MAP7: variants seen among roughly 807,000 people sequenced by gnomAD.
MAP7 encodes ensconsin.
Under a neutral mutation model 94.8 loss-of-function variants are expected in MAP7, and 52 were observed. The ratio of observed to expected loss-of-function variants is 0.55; its 90% CI spans 0.44 to 0.69. The LOEUF (loss-of-function observed/expected upper bound fraction) is 0.69, where lower values mean the gene tolerates loss of function less well. Ranked by LOEUF, MAP7 falls within the 30% of genes least tolerant of loss-of-function variation. MAP7 has a pLI of 0.00. For synonymous variants in MAP7, 350 were observed against 357.0 expected, an observed-to-expected ratio of 0.98 and a Z score of 0.22; for missense variants, 940 against 964.6, an observed-to-expected ratio of 0.97 and a Z score of 0.34.
chr6:136,526,249 C>A (rs1423020526), intron 1 of MAP7: 4 of 1,152,034 alleles, frequency 3.5e-6, no homozygotes, highest in East Asian at 5.6e-5. Flanking sequence ...GTGATTGCTC[C>A]GGCTCATGCA....
chr6:136,520,501 G>C (rs575070349), intron 1 of MAP7, among the ~76,000 whole-genome samples: 10 of 152,306 alleles, frequency 6.6e-5, no homozygotes, highest in Admixed American at 5.2e-4. Context: ...GGTATAAAGA[G>C]GAGTGAGTCC....
chr6:136,494,671 C>T (rs1817669721), intron 1 of MAP7, among the ~76,000 whole-genome samples: 1 of 152,058 alleles, frequency 6.6e-6, no homozygotes, highest in South Asian at 2.1e-4. Context: ...ACAGGGATCC[C>T]TCATTATTAA....
intron 1 of MAP7, among the ~76,000 whole-genome samples, chr6:136,495,638 A>G (rs965499415): frequency 2.6e-5 from 4 of 152,146 alleles, no homozygotes; most frequent in Non-Finnish European, 4.4e-5. Context: ...AACCTGTATA[A>G]GTTTTTTTAA....
At chr6:136,388,624 T>C (rs1779826007) in intron 4 of MAP7, 114 bp from the exon 5 acceptor site, 1 of 800,378 alleles carries the variant, frequency 1.2e-6, no homozygotes, top group African/African-American at 1.7e-5. Context: ...CTACTATTCT[T>C]GATCTCTAGC....
At chr6:136,490,155 T>C (rs966731737) in intron 1 of MAP7, among the ~76,000 whole-genome samples, 5 of 152,154 alleles carry the variant, frequency 3.3e-5, no homozygotes, top group African/African-American at 9.7e-5. Flanking sequence ...TCTTTCAAAA[T>C]AGAAGTGGCA....
intron 2 of MAP7, 33 bp downstream of exon 2, chr6:136,421,668 T>C: frequency 7.7e-6 from 12 of 1,566,428 alleles, no homozygotes; most frequent in Non-Finnish European, 1.1e-5. Flanking sequence ...AAGATAACCT[T>C]TATTTTCCCA....
At chr6:136,483,129 C>CA (rs57320038) in intron 1 of MAP7, among the ~76,000 whole-genome samples, 1,838 of 82,896 alleles carry the variant, frequency 0.022, 19 homozygotes, top group African/African-American at 0.034. Context: ...AAGTATCTTT[C>CA]AAAAAAAAAA....
chr6:136,379,170 A>G (rs1777045017), intron 6 of MAP7, among the ~76,000 whole-genome samples: 1 of 152,216 alleles, frequency 6.6e-6, no homozygotes, highest in Non-Finnish European at 1.5e-5. Context: ...TGGCATTTAA[A>G]TGCTAGGAAA....
chr6:136,436,960 T>A (rs1302065887), intron 1 of MAP7, among the ~76,000 whole-genome samples: 1 of 152,194 alleles, frequency 6.6e-6, no homozygotes, highest in Non-Finnish European at 1.5e-5. Flanking sequence ...ATGATACAAA[T>A]GTGAAAGTCA....
chr6:136,539,666 C>T (rs1829155953), intron 1 of MAP7, among the ~76,000 whole-genome samples: 1 of 152,172 alleles, frequency 6.6e-6, no homozygotes. Flanking sequence ...ACCTCAGGAG[C>T]AGGCACGAAT....
chr6:136,487,819 C>T (rs1815241242), intron 1 of MAP7, among the ~76,000 whole-genome samples: 1 of 152,116 alleles, frequency 6.6e-6, no homozygotes, highest in South Asian at 2.1e-4. Flanking sequence ...TTTCTGTTCA[C>T]AATTTTCTGT....
chr6:136,500,713 A>C (rs552704725), intron 1 of MAP7, among the ~76,000 whole-genome samples: 19 of 152,354 alleles, frequency 1.2e-4, no homozygotes, highest in Admixed American at 3.3e-4. Context: ...CTTAAAAATC[A>C]GGTGTTTCAA....
At chr6:136,533,075 C>T (rs1271446714) in intron 1 of MAP7, among the ~76,000 whole-genome samples, 1 of 152,170 alleles carries the variant, frequency 6.6e-6, no homozygotes, top group Non-Finnish European at 1.5e-5. Context: ...GAGTTCGGGA[C>T]CAGCCTGACC....
chr6:136,495,052 A>T (rs1374921343), intron 1 of MAP7, among the ~76,000 whole-genome samples: 2 of 152,200 alleles, frequency 1.3e-5, no homozygotes, highest in Non-Finnish European at 2.9e-5. Context: ...AATGAGGCCT[A>T]GCAGAAGCTC....
chr6:136,404,063 T>C lies in MAP7; in HGVS notation c.244+7557A>G, dbSNP rs1007699683. 1.2e-4 allele frequency among the ~76,000 whole-genome samples: 19 copies of C among 152,342 alleles called. No homozygotes were observed. In the South Asian group the frequency reaches 1.9e-3, roughly 15 times the overall value. ...AAGCCTCCTCTGACCCCTTTTTTTT[T>C]CCTGGACAGTCTCTAAAGAGGAAAG... On this transcript the variant is annotated intron_variant, in intron 3 of 17. Transcript: ENST00000354570.
Position 136,361,218 on chromosome 6 carries a change from T to C in MAP7, c.1527-39A>G, listed in dbSNP as rs1792669060. The C allele has an allele frequency of 3.8e-6, 6 of 1,597,150 alleles. No individual in the cohort carries two copies. The East Asian group carries it at 1.3e-4, about 36-fold the overall frequency. Reference sequence around the variant, plus strand: ...GAACAAAACCAAAACCAAAGACACCTGAGGAGAAATCTTTGAAGAGAGGCC... The same window carrying C: ...GAACAAAACCAAAACCAAAGACACCCGAGGAGAAATCTTTGAAGAGAGGCC... On this transcript the variant is annotated intron_variant, in intron 11 of 17. Coordinates refer to ENST00000354570, the MANE Select transcript of MAP7 (RefSeq NM_003980.6).
intron 1 of MAP7, among the ~76,000 whole-genome samples, chr6:136,497,497 C>G (rs888086882): frequency 6.6e-6 from 1 of 150,858 alleles, no homozygotes; most frequent in African/African-American, 2.5e-5. Context: ...TGCATTTTTC[C>G]TCTACCCCAT....
chr6:136,525,217 G>A (rs1827487173), intron 1 of MAP7, among the ~76,000 whole-genome samples: 1 of 152,168 alleles, frequency 6.6e-6, no homozygotes, highest in Non-Finnish European at 1.5e-5. Flanking sequence ...CATTTCAACT[G>A]CCATACACGA....
intron 15 of MAP7, among the ~76,000 whole-genome samples, chr6:136,359,439 TAAATATAC>T (rs1791894122): frequency 6.6e-6 from 1 of 152,188 alleles, no homozygotes; most frequent in African/African-American, 2.4e-5. Context: ...AGAGGAAATA[TAAATATAC>T]ACTACTTGAG....
Sources: allele counts gnomAD v4.1 joint callset (sites outside exome capture counted in the v4.1 genomes callset), GRCh38; gene constraint gnomAD v4.1.1; transcripts MANE v1.5; gene names NCBI Gene and HGNC (gene_info 2026-07-23, HGNC 2026-07-21).